Variants in MYO6 observed in about 807,000 individuals in gnomAD.
The protein encoded by MYO6 is unconventional myosin-VI.
In MYO6, 74 loss-of-function variants were observed where a neutral mutation model predicts 178.7. The observed-to-expected ratio is 0.41, with a 90% confidence interval of 0.34 to 0.50. The LOEUF (loss-of-function observed/expected upper bound fraction) is 0.50, where lower values mean the gene tolerates loss of function less well. Among genes scored for constraint, MYO6 ranks in the 20% least tolerant of loss-of-function variants. MYO6 has a pLI of 0.09. For synonymous variants in MYO6, 477 were observed against 504.6 expected (o/e 0.95, Z 0.73); for missense variants, 1,330 against 1,547.4 (o/e 0.86, Z 2.36).
In MYO6 at chr6:75,898,281, AAT is replaced by A. The variant is rs530259283; in HGVS notation, c.3138-85_3138-84del. Reference sequence around the variant, plus strand: ...TGAACAGTTGTTAAATAATATTGAAAATATATATTTTAATTATACTTTTAGAT... The same window carrying A: ...TGAACAGTTGTTAAATAATATTGAAAATATATTTTAATTATACTTTTAGAT... On this transcript the variant is annotated intron_variant, in intron 29 of 34. Transcript: ENST00000369977. 6.3e-4 allele frequency: 523 copies of A among 829,090 alleles called. 3 individuals carry two copies. The African/African-American group carries it at 8.0e-3, about 13-fold the overall frequency. The allele number at this position is 829,090 out of a possible 1,614,324, so 51.4% of individuals were successfully genotyped here. A position where few individuals can be genotyped will look rare whatever the true frequency, so the allele number is the denominator to read the frequency against.
chr6:75,835,891 T>C lies in MYO6; in HGVS notation c.498-10T>C, dbSNP rs770705554. 68 of 1,550,124 alleles carry C rather than the reference T, an allele frequency of 4.4e-5. No homozygotes were observed. The highest frequency in any genetic ancestry group is 6.7e-5 in the East Asian group (3 of 44,546). On this transcript the variant is annotated splice_polypyrimidine_tract_variant and intron_variant, in intron 6 of 34. Coordinates refer to ENST00000369977, the MANE Select transcript of MYO6 (RefSeq NM_004999.4). ...TGTCATCAACATTTTTTATCCTATATTTTAAACAGATACCTGACTGAATCC... is the reference window on the plus strand; with the variant it reads ...TGTCATCAACATTTTTTATCCTATACTTTAAACAGATACCTGACTGAATCC...
rs768723061 is a variant in MYO6, at chr6:75,911,707, A to G, written c.3439+9A>G. ...ATTTTTGAACAATTCACGTAAGTCA[A>G]TGGGTGGTAACTCATGAGCTAACTG... On this transcript the variant is annotated intron_variant, in intron 33 of 34. Transcript: ENST00000369977. 5.0e-6 allele frequency: 8 copies of G among 1,610,744 alleles called. No individual in the cohort carries two copies. The highest frequency in any genetic ancestry group is 4.5e-5 in the East Asian group (2 of 44,744).
At chr6:75,890,297 CTT>C in intron 26 of MYO6, 32 bp downstream of exon 26, 1 of 1,612,498 alleles carries the variant, frequency 6.2e-7, no homozygotes, top group Non-Finnish European at 8.5e-7. Flanking sequence ...GAATAAGAGA[CTT>C]AAAGAAATAG....
At chr6:75,757,079 A>ATATATGTG (rs1225105248) in intron 1 of MYO6, among the ~76,000 whole-genome samples, 6 of 145,422 alleles carry the variant, frequency 4.1e-5, no homozygotes, top group African/African-American at 1.0e-4. Context: ...TATAGTGTGT[A>ATATATGTG]TATATATGTA....
At chr6:75,890,320 G>C in intron 26 of MYO6, 55 bp downstream of exon 26, 2 of 1,605,800 alleles carry the variant, frequency 1.2e-6, no homozygotes, top group East Asian at 2.2e-5. Context: ...TGAATTCTTG[G>C]TATTGACAGT....
intron 30 of MYO6, among the ~76,000 whole-genome samples, chr6:75,900,144 A>G (rs1365360536): frequency 6.6e-6 from 1 of 151,882 alleles, no homozygotes; most frequent in Non-Finnish European, 1.5e-5. Context: ...ATTGTTGGAC[A>G]TTTGGGTTGG....
intron 1 of MYO6, among the ~76,000 whole-genome samples, chr6:75,797,724 A>G (rs1387092004): frequency 1.3e-5 from 2 of 151,646 alleles, no homozygotes; most frequent in Non-Finnish European, 2.9e-5. Flanking sequence ...AGTAGGGACG[A>G]GGTTTCACCA....
chr6:75,772,088 A>G (rs1284616643), intron 1 of MYO6, among the ~76,000 whole-genome samples: 1 of 152,184 alleles, frequency 6.6e-6, no homozygotes, highest in East Asian at 1.9e-4. Context: ...TGAAACTAAT[A>G]CTGTTGAGTC....
At chr6:75,876,072 T>G (rs1034392415) in intron 20 of MYO6, among the ~76,000 whole-genome samples, 6 of 152,122 alleles carry the variant, frequency 3.9e-5, no homozygotes, top group African/African-American at 7.2e-5. Flanking sequence ...ACAGGACCTG[T>G]GCACATGCTG....
Position 75,756,895 on chromosome 6 carries a change from A to G in MYO6, c.-48+7472A>G, listed in dbSNP as rs72493038. Among the ~76,000 whole-genome samples the G allele has an allele frequency of 9.9e-3, 549 of 55,214 alleles. 2 individuals carry two copies. The highest frequency in any genetic ancestry group is 0.018 in the East Asian group (22 of 1,234). The allele number at this position is 55,214 out of a possible 152,430, so 36.2% of individuals were successfully genotyped here. A position where few individuals can be genotyped will look rare whatever the true frequency, so the allele number is the denominator to read the frequency against. ...GAGTACTTATGTGTGTTGTGTGTGTATATATATATATATATACACATATAT... is the reference window on the plus strand; with the variant it reads ...GAGTACTTATGTGTGTTGTGTGTGTGTATATATATATATATACACATATAT... On this transcript the variant is annotated intron_variant, in intron 1 of 34. Coordinates refer to ENST00000369977, the MANE Select transcript of MYO6 (RefSeq NM_004999.4).
At position 75,749,346 on chromosome 6, in the gene MYO6, A is replaced by G. The variant is rs1776639347; in HGVS notation, c.-125A>G. The G allele has an allele frequency of 6.5e-6, 1 of 154,000 alleles. No homozygotes were observed. The highest frequency in any genetic ancestry group is 1.4e-5 in the Non-Finnish European group (1 of 69,602). 9.5% of individuals were successfully genotyped at this position (154,000 alleles called of 1,614,324 possible). ...GTCGTCGCCCTCTTCACTGGCCCTCATCACTTCTCACCGCGCCCTCCAGCT... is the reference window on the plus strand; with the variant it reads ...GTCGTCGCCCTCTTCACTGGCCCTCGTCACTTCTCACCGCGCCCTCCAGCT... On this transcript the variant is annotated 5_prime_UTR_variant, in exon 1 of 35. Coordinates refer to ENST00000369977, the MANE Select transcript of MYO6 (RefSeq NM_004999.4).
intron 1 of MYO6, among the ~76,000 whole-genome samples, chr6:75,783,354 A>G (rs1427243595): frequency 1.3e-5 from 2 of 152,194 alleles, no homozygotes; most frequent in Non-Finnish European, 2.9e-5. Flanking sequence ...CCTGGGTCAC[A>G]TGGTTGGGTT....
At position 75,880,131 on chromosome 6, in the gene MYO6, A is replaced by G; in HGVS notation, c.2286+11A>G. 3 of 1,579,864 alleles carry G rather than the reference A, an allele frequency of 1.9e-6. No individual in the cohort carries two copies. The highest frequency in any genetic ancestry group is 2.6e-6 in the Non-Finnish European group (3 of 1,152,386). Reference sequence around the variant, plus strand: ...TTTAGACCTGGCAAGGTAAATATACATTTTTTACTTTAAACTGTAACATCA... The same window carrying G: ...TTTAGACCTGGCAAGGTAAATATACGTTTTTTACTTTAAACTGTAACATCA... On this transcript the variant is annotated intron_variant, in intron 22 of 34. Coordinates refer to ENST00000369977, the MANE Select transcript of MYO6 (RefSeq NM_004999.4).
At chr6:75,879,618 G>A (rs1412854160) in intron 20 of MYO6, among the ~76,000 whole-genome samples, 1 of 152,050 alleles carries the variant, frequency 6.6e-6, no homozygotes, top group African/African-American at 2.4e-5. Flanking sequence ...TGGGTTTACA[G>A]GAAATTTGAC....
intron 6 of MYO6, 110 bp from the exon 7 acceptor site, chr6:75,835,791 C>G: frequency 1.4e-6 from 1 of 702,492 alleles, no homozygotes; most frequent in Non-Finnish European, 2.6e-6. Flanking sequence ...TTTAATTACA[C>G]ATTTGTTATA....
chr6:75,805,021 A>ATATATATATATATATATATAT (rs1252912172), intron 1 of MYO6, among the ~76,000 whole-genome samples: 1 of 77,284 alleles, frequency 1.3e-5, no homozygotes, highest in African/African-American at 1.0e-4. Context: ...ATATATATAT[A>ATATATATATATATATATATAT]TTTTTTTTTT....
intron 30 of MYO6, among the ~76,000 whole-genome samples, chr6:75,905,585 G>A (rs1255639101): frequency 1.4e-4 from 22 of 152,184 alleles, no homozygotes; most frequent in Admixed American, 1.1e-3. Context: ...GCTGGCACAC[G>A]GTGCGCGCAC....
intron 2 of MYO6, among the ~76,000 whole-genome samples, chr6:75,819,792 G>C (rs774937323): frequency 3.3e-5 from 5 of 152,202 alleles, no homozygotes; most frequent in Non-Finnish European, 5.9e-5. Context: ...AGTGGCTCAT[G>C]CCTGTAATCC....
intron 2 of MYO6, among the ~76,000 whole-genome samples, chr6:75,819,795 T>C (rs980434992): frequency 6.6e-6 from 1 of 152,362 alleles, no homozygotes; most frequent in East Asian, 1.9e-4. Flanking sequence ...GGCTCATGCC[T>C]GTAATCCTAG....
Sources: allele counts gnomAD v4.1 joint callset (sites outside exome capture counted in the v4.1 genomes callset), GRCh38; gene constraint gnomAD v4.1.1; transcripts MANE v1.5; gene names NCBI Gene and HGNC (gene_info 2026-07-23, HGNC 2026-07-21).